The following SUPT6H variants were observed in gnomAD, a reference collection of about 807,000 sequenced individuals.
SUPT6H encodes transcription elongation factor SPT6.
In SUPT6H, 11 loss-of-function variants were observed where a neutral mutation model predicts 222.3. That is an observed-to-expected ratio of 0.05 (90% CI 0.03 to 0.08). SUPT6H has a LOEUF of 0.08. Among genes scored for constraint, SUPT6H ranks in the 10% least tolerant of loss-of-function variants. SUPT6H has a pLI of 1.00. For missense variants in SUPT6H, 1,422 were observed against 2,216.0 expected (o/e 0.64, Z 7.19); for synonymous variants, 762 against 801.2 (o/e 0.95, Z 0.83).
intron 7 of SUPT6H, among the ~76,000 whole-genome samples, 173 bp downstream of exon 7, chr17:28,676,603 G>A (rs944552933): frequency 2.0e-5 from 3 of 152,172 alleles, no homozygotes; most frequent in Admixed American, 6.5e-5. Context: ...CCTTGCTTAC[G>A]GTTCTAGAAA....
At chr17:28,683,920 C>G in intron 17 of SUPT6H, 104 bp downstream of exon 17, 2 of 1,118,308 alleles carry the variant, frequency 1.8e-6, no homozygotes, top group Non-Finnish European at 2.5e-6. Context: ...ACTGCAAGCT[C>G]TGCCTCCTAG....
chr17:28,673,673 C>T, intron 2 of SUPT6H, 163 bp downstream of exon 2: 1 of 601,112 alleles, frequency 1.7e-6, no homozygotes, highest in Non-Finnish European at 3.0e-6. Context: ...GAGCATCTGT[C>T]TGTATGCCAG....
At chr17:28,691,120 G>T (rs1165506535) in intron 27 of SUPT6H, 57 bp downstream of exon 27, 2 of 1,565,618 alleles carry the variant, frequency 1.3e-6, no homozygotes, top group African/African-American at 1.4e-5. Flanking sequence ...TGATCTCGGT[G>T]CCTAGAAGGG....
chr17:28,690,626 T>G (rs774770732), intron 26 of SUPT6H, among the ~76,000 whole-genome samples: 1 of 152,138 alleles, frequency 6.6e-6, no homozygotes, highest in East Asian at 1.9e-4. Flanking sequence ...AATAAAAAAT[T>G]AGCTGAGCGT....
At chr17:28,682,073 A>G (rs139039889) in intron 13 of SUPT6H, 93 bp downstream of exon 13, 7 of 973,748 alleles carry the variant, frequency 7.2e-6, no homozygotes, top group African/African-American at 6.5e-5. Context: ...AAGAAAGGCT[A>G]TCTGGGTCAA....
chr17:28,672,775 A>G (rs1277713941), intron 1 of SUPT6H: 1 of 151,068 alleles, frequency 6.6e-6, no homozygotes, highest in Non-Finnish European at 1.5e-5. Context: ...GCAGTGGCGC[A>G]ATCTGCAACC....
chr17:28,686,860 A>T (rs2031404690), intron 21 of SUPT6H, 71 bp downstream of exon 21: 4 of 1,525,386 alleles, frequency 2.6e-6, no homozygotes, highest in Non-Finnish European at 3.5e-6. Flanking sequence ...TTAAATTGGG[A>T]AACAAAAGTT....
chr17:28,676,613 A>G (rs1567689442), intron 7 of SUPT6H, among the ~76,000 whole-genome samples, 183 bp downstream of exon 7: 1 of 152,218 alleles, frequency 6.6e-6, no homozygotes. Context: ...GGTTCTAGAA[A>G]TACTGTTTTC....
intron 32 of SUPT6H, among the ~76,000 whole-genome samples, chr17:28,699,143 A>C (rs866658330): frequency 2.0e-5 from 3 of 152,210 alleles, no homozygotes; most frequent in African/African-American, 2.4e-5. Flanking sequence ...AGCACAACCC[A>C]GCTTTAGGCA....
chr17:28,700,597 C>A (rs2032092936), intron 35 of SUPT6H, 85 bp downstream of exon 35: 1 of 1,509,422 alleles, frequency 6.6e-7, no homozygotes, highest in Non-Finnish European at 8.9e-7. Context: ...GCTTCACATG[C>A]ACAGATGGGG....
At chr17:28,687,281 T>G in intron 22 of SUPT6H, 23 bp from the exon 23 acceptor site, 1 of 1,614,152 alleles carries the variant, frequency 6.2e-7, no homozygotes, top group Non-Finnish European at 8.5e-7. Context: ...GTAACCTTAC[T>G]CCTGCCTGCT....
rs780857671 is a variant in SUPT6H at position 28,687,132 on chromosome 17, C to A, written c.2745C>A (p.Ser915=). ...DYPPVLRQAV[S]LARRIQDPLI... ...CTCCAGTGCTGAGACAGGCCGTCTC[C>A]CTGGCCCGGCGCATCCAGGACCCTC... The change falls in exon 22 of 37, where the codon TCC becomes TCA. Residue 915 remains serine (S), a synonymous_variant. Coordinates refer to ENST00000314616, the MANE Select transcript of SUPT6H (RefSeq NM_003170.5). 6.2e-7 allele frequency: 1 copy of A among 1,614,006 alleles called. No homozygotes were observed. Among genetic ancestry groups the A allele is most frequent in the Admixed American group, 1.7e-5 (1 of 60,020 alleles).
rs2031482804 is a variant in SUPT6H at position 28,688,099 on chromosome 17, G to A, written c.3015G>A (p.Lys1005=). ...RKGTHLLKIL[K]QNNTRLESRT... Reference sequence around the variant, plus strand: ...CCAGCTCTCTCCCCCAGATCCTGAAGCAGAACAACACCCGGCTCGAGAGCC... The same window carrying A: ...CCAGCTCTCTCCCCCAGATCCTGAAACAGAACAACACCCGGCTCGAGAGCC... Residue 1005 remains lysine, a synonymous_variant, in exon 24 of 37, where the codon AAG becomes AAA. Coordinates refer to ENST00000314616, the MANE Select transcript of SUPT6H (RefSeq NM_003170.5). This position sits in a 1 kb window ranked among gnomAD's most constrained non-coding sequence, Gnocchi z 4.3. 1.2e-6 allele frequency: 2 copies of A among 1,612,092 alleles called. No homozygotes were observed. Among genetic ancestry groups the A allele is most frequent in the South Asian group, 2.2e-5 (2 of 90,884 alleles).
intron 1 of SUPT6H, among the ~76,000 whole-genome samples, chr17:28,668,428 C>G (rs1047887177): frequency 1.3e-5 from 2 of 152,104 alleles, no homozygotes; most frequent in African/African-American, 2.4e-5. Flanking sequence ...TGCAGCAAGT[C>G]AGAATTGCTT....
rs2031139953 is a variant in SUPT6H, at chr17:28,682,049, T to C, written c.1597+69T>C. 4 of 1,314,428 alleles carry C rather than the reference T, an allele frequency of 3.0e-6. No individual in the cohort carries two copies. The African/African-American group carries it at 5.8e-5, about 19-fold the overall frequency. The allele number at this position is 1,314,428 out of a possible 1,614,324, so 81.4% of individuals were successfully genotyped here. A position where few individuals can be genotyped will look rare whatever the true frequency, so the allele number is the denominator to read the frequency against. On this transcript the variant is annotated intron_variant, in intron 13 of 36. Transcript: ENST00000314616. ...AAGGGGAGTTACCCAGAAAAAAGAC[T>C]GGTAGGTAGGAAAAAGAAAGGCTAT...
chr17:28,689,975 G>A (rs563513176), intron 25 of SUPT6H, 107 bp from the exon 26 acceptor site: 44 of 1,377,238 alleles, frequency 3.2e-5, no homozygotes, highest in Non-Finnish European at 3.8e-5. Flanking sequence ...AAGAAGCCCT[G>A]ACAGAAACTT....
chr17:28,686,900 T>G (rs1327057376), intron 21 of SUPT6H, 111 bp downstream of exon 21: 1 of 1,483,458 alleles, frequency 6.7e-7, no homozygotes, highest in Non-Finnish European at 9.0e-7. Flanking sequence ...ACCTGTGTAC[T>G]TATCCATGCA....
Position 28,667,473 on chromosome 17 carries a change from ATATATGTGTG to A in SUPT6H, c.-32+5133_-32+5142del, listed in dbSNP as rs541400237. ...TGTATACATATGTATGTATATGTGT[ATATATGTGTG>A]TGTATATATGTATATGTGTATATAT... On this transcript the variant is annotated intron_variant, in intron 1 of 36. Transcript: ENST00000314616. Among the ~76,000 whole-genome samples, 959 of 136,222 alleles carry A rather than the reference ATATATGTGTG, an allele frequency of 7.0e-3. 17 individuals carry two copies. The highest frequency in any genetic ancestry group is 0.025 in the African/African-American group (907 of 36,978). The allele number at this position is 136,222 out of a possible 152,430, so 89.4% of individuals were successfully genotyped here. A position where few individuals can be genotyped will look rare whatever the true frequency, so the allele number is the denominator to read the frequency against.
intron 19 of SUPT6H, among the ~76,000 whole-genome samples, chr17:28,686,137 A>G (rs1309546675): frequency 6.6e-6 from 1 of 152,222 alleles, no homozygotes; most frequent in Non-Finnish European, 1.5e-5. Context: ...ACTGGAGCGC[A>G]GTTCTAGTCA....
Sources: gnomAD v4.1 joint callset for allele counts (sites outside exome capture counted in the v4.1 genomes callset) on GRCh38, gnomAD v4.1.1 for gene constraint, Gnocchi (gnomAD v3.1) non-coding constraint, MANE v1.5 for transcripts, NCBI Gene and HGNC (gene_info 2026-07-23, HGNC 2026-07-21) for gene names.